Variants in CDH23 observed in about 807,000 individuals in gnomAD.
The protein encoded by CDH23 is cadherin related 23, also known as cadherin-23.
In CDH23, 189 loss-of-function variants were observed where a neutral mutation model predicts 317.1. The observed-to-expected ratio is 0.60, with a 90% CI of 0.53 to 0.67. The LOEUF (loss-of-function observed/expected upper bound fraction) is 0.67, where lower values mean the gene tolerates loss of function less well. Among genes scored for constraint, CDH23 ranks in the 30% least tolerant of loss-of-function variants. CDH23 has a pLI of 0.00. For synonymous variants in CDH23, 1,839 were observed against 1,876.8 expected (o/e 0.98, Z 0.52); for missense variants, 4,401 against 4,592.4 (o/e 0.96, Z 1.20).
intron 14 of CDH23, among the ~76,000 whole-genome samples, chr10:71,654,129 C>T (rs989924818): frequency 1.3e-5 from 2 of 152,214 alleles, no homozygotes; most frequent in African/African-American, 2.4e-5. Flanking sequence ...CAAGCCTCTT[C>T]GGAGGGACGC....
At chr10:71,504,630 T>C (rs1853532006) in intron 3 of CDH23, among the ~76,000 whole-genome samples, 1 of 152,168 alleles carries the variant, frequency 6.6e-6, no homozygotes, top group African/African-American at 2.4e-5. Context: ...GGATGCCCCT[T>C]CCCCATGAGG....
At chr10:71,625,810 G>A (rs1372437231) in intron 11 of CDH23, among the ~76,000 whole-genome samples, 3 of 152,248 alleles carry the variant, frequency 2.0e-5, no homozygotes, top group South Asian at 2.1e-4. Flanking sequence ...GGGGGGCCAC[G>A]GACCACCCAA....
At chr10:71,792,771 G>A (rs765389534) in intron 47 of CDH23, among the ~76,000 whole-genome samples, 64 of 129,904 alleles carry the variant, frequency 4.9e-4, no homozygotes, top group South Asian at 8.0e-4. Flanking sequence ...GCAGTAAGCC[G>A]AGATCACACC....
intron 1 of CDH23, among the ~76,000 whole-genome samples, chr10:71,404,614 C>T (rs1848012201): frequency 1.3e-5 from 2 of 152,216 alleles, no homozygotes; most frequent in Non-Finnish European, 2.9e-5. Flanking sequence ...TGAATGCTGG[C>T]CAGTCAAGGG....
rs536836069 is a variant in CDH23, at chr10:71,814,850, G to A, written c.9739-102G>A. 1.6e-3 allele frequency: 2,151 copies of A among 1,340,794 alleles called. 5 individuals are homozygous for A. Among genetic ancestry groups the A allele is most frequent in the Non-Finnish European group, 2.0e-3 (1,984 of 1,005,442 alleles). The allele number at this position is 1,340,794 out of a possible 1,614,324, so 83.1% of individuals were successfully genotyped here. On this transcript the variant is annotated intron_variant, in intron 69 of 69. Coordinates refer to ENST00000224721, the MANE Select transcript of CDH23 (RefSeq NM_022124.6). ...GAGTCTGACAGGCCTGCTGCGGTAGGAGCCCAAGGTTCAGCCACATAGCCA... is the reference window on the plus strand; with the variant it reads ...GAGTCTGACAGGCCTGCTGCGGTAGAAGCCCAAGGTTCAGCCACATAGCCA...
intron 14 of CDH23, among the ~76,000 whole-genome samples, chr10:71,648,281 T>G (rs531201442): frequency 8.1e-4 from 123 of 152,314 alleles, no homozygotes; most frequent in African/African-American, 2.6e-3. Context: ...AGAGAGCAAG[T>G]GCCAGAGGCT....
At chr10:71,784,182 C>T (rs549996639) in intron 41 of CDH23, 105 bp from the exon 42 acceptor site, 1 of 1,299,242 alleles carries the variant, frequency 7.7e-7, no homozygotes, top group Non-Finnish European at 1.1e-6. Flanking sequence ...AGCTGTCCCC[C>T]ACCTGTGACG....
intron 6 of CDH23, among the ~76,000 whole-genome samples, chr10:71,548,109 C>T (rs1386932578): frequency 6.6e-6 from 1 of 152,154 alleles, no homozygotes; most frequent in African/African-American, 2.4e-5. Context: ...GCTTTTTGCC[C>T]TGACGTTCAG....
chr10:71,620,747 G>T (rs115983246), intron 11 of CDH23, among the ~76,000 whole-genome samples: 5 of 152,204 alleles, frequency 3.3e-5, no homozygotes, highest in African/African-American at 7.2e-5. Flanking sequence ...AGCCAATGAG[G>T]AGAGGCAGCC....
At chr10:71,701,980 C>G (rs373635323) in intron 22 of CDH23, 42 bp from the exon 23 acceptor site, 2 of 1,601,850 alleles carry the variant, frequency 1.2e-6, no homozygotes, top group African/African-American at 2.7e-5. Flanking sequence ...GACACCCTCC[C>G]CAGGCGCGGC....
At chr10:71,760,007 ATAT>A (rs1840288744) in intron 38 of CDH23, among the ~76,000 whole-genome samples, 19 of 99,268 alleles carry the variant, frequency 1.9e-4, no homozygotes, top group Non-Finnish European at 4.0e-4. Flanking sequence ...ACATACATAT[ATAT>A]ACACACACAC....
intron 11 of CDH23, among the ~76,000 whole-genome samples, chr10:71,634,401 A>G (rs1302783200): frequency 6.6e-6 from 1 of 152,238 alleles, no homozygotes; most frequent in Non-Finnish European, 1.5e-5. Context: ...ACCCCAGCCA[A>G]AAGTTGGGTG....
chr10:71,494,530 C>T (rs775317215), intron 3 of CDH23, among the ~76,000 whole-genome samples: 1 of 152,266 alleles, frequency 6.6e-6, no homozygotes, highest in East Asian at 1.9e-4. Context: ...CATTGGAGTG[C>T]GGGAATACCT....
intron 22 of CDH23, among the ~76,000 whole-genome samples, chr10:71,696,883 G>A (rs1407549401): frequency 6.6e-6 from 1 of 152,222 alleles, no homozygotes; most frequent in Non-Finnish European, 1.5e-5. Flanking sequence ...TCTTTGGTGG[G>A]TGCTCTCTGC....
chr10:71,677,690 C>T lies in CDH23; in HGVS notation c.1749C>T (p.Leu583=). 6.4e-7 allele frequency: 1 copy of T among 1,557,226 alleles called. No homozygotes were observed. Among genetic ancestry groups the T allele is most frequent in the Non-Finnish European group, 8.7e-7 (1 of 1,150,384 alleles). ...CTTCTGTCACACAGCTGGTGCGGCTCCGGGTAAGGTGCCAGGGAGCCCTGC... is the reference window on the plus strand; with the variant it reads ...CTTCTGTCACACAGCTGGTGCGGCTTCGGGTAAGGTGCCAGGGAGCCCTGC... ...NEPSVTQLVR[L]RATDEDSPPN... Residue 583 remains leucine (L), a synonymous_variant, in exon 16 of 70, where the codon CTC becomes CTT. Coordinates refer to ENST00000224721, the MANE Select transcript of CDH23 (RefSeq NM_022124.6).
At chr10:71,637,696 C>A (rs928141808) in intron 11 of CDH23, among the ~76,000 whole-genome samples, 10 of 152,122 alleles carry the variant, frequency 6.6e-5, no homozygotes, top group Admixed American at 2.0e-4. Flanking sequence ...GAGGGCAGCA[C>A]TGACTCTGGG....
chr10:71,771,603 G>A (rs760857663), intron 38 of CDH23, among the ~76,000 whole-genome samples: 6 of 152,220 alleles, frequency 3.9e-5, no homozygotes, highest in Non-Finnish European at 7.3e-5. Flanking sequence ...AGAATCCTGA[G>A]GTCCCAGAGC....
chr10:71,556,002 T>G (rs1434363804), intron 6 of CDH23, among the ~76,000 whole-genome samples: 1 of 152,150 alleles, frequency 6.6e-6, no homozygotes, highest in Non-Finnish European at 1.5e-5. Context: ...GTCTGACGTC[T>G]GCTCTCTAGG....
intron 11 of CDH23, among the ~76,000 whole-genome samples, chr10:71,636,448 C>T (rs1319426279): frequency 2.6e-5 from 4 of 152,128 alleles, no homozygotes; most frequent in Non-Finnish European, 5.9e-5. Flanking sequence ...GTTGAGGCTG[C>T]AGTGAGCAGT....
Sources: gnomAD v4.1 joint callset for allele counts (sites outside exome capture counted in the v4.1 genomes callset) on GRCh38, gnomAD v4.1.1 for gene constraint, MANE v1.5 for transcripts, NCBI Gene and HGNC (gene_info 2026-07-23, HGNC 2026-07-21) for gene names.